The following GRIP1 variants were observed in gnomAD, a reference collection of about 807,000 sequenced individuals.
GRIP1 encodes the protein glutamate receptor interacting protein 1, also known as glutamate receptor-interacting protein 1.
A neutral mutation model predicts 129.9 loss-of-function variants in GRIP1; 45 were observed. That is an observed-to-expected ratio of 0.35 (90% CI 0.27 to 0.44). The LOEUF is 0.44. Among genes scored for constraint, GRIP1 ranks in the 20% least tolerant of loss-of-function variants. The pLI, the probability that GRIP1 is intolerant of heterozygous loss-of-function variation, is 1.00. For synonymous variants in GRIP1, 530 were observed against 520.8 expected (o/e 1.02, Z -0.24); for missense variants, 1,196 against 1,396.8 (o/e 0.86, Z 2.29).
rs563781463 is a variant in GRIP1 at position 66,830,848 on chromosome 12, T to C, written c.59-233921A>G. 5.7e-5 allele frequency among the ~76,000 whole-genome samples: 8 copies of C among 141,500 alleles called. 1 individual carries two copies. The highest frequency in any genetic ancestry group is 1.8e-4 in the African/African-American group (7 of 38,256). 92.8% of individuals were successfully genotyped at this position (141,500 alleles called of 152,430 possible). On this transcript the variant is annotated intron_variant, in intron 1 of 1. Coordinates refer to the GRIP1 transcript ENST00000643019. ...GTATCTGAATTTTTTTTTTTTTTTT[T>C]CTGTTTTGATTTTGTGAGACAGGGT...
At chr12:66,711,480 A>G (rs2035711516) in intron 1 of GRIP1, among the ~76,000 whole-genome samples, 1 of 151,930 alleles carries the variant, frequency 6.6e-6, no homozygotes, top group Non-Finnish European at 1.5e-5. Context: ...GACATCAAGA[A>G]AGTTAAATTT....
intron 9 of GRIP1, among the ~76,000 whole-genome samples, chr12:66,457,835 G>A (rs2059013683): frequency 6.6e-6 from 1 of 152,112 alleles, no homozygotes; most frequent in Non-Finnish European, 1.5e-5. Context: ...CTCTTTGTAT[G>A]ACCTTGGCCA....
intron 1 of GRIP1, among the ~76,000 whole-genome samples, chr12:66,608,933 A>AATT (rs150512388): frequency 0.1 from 15,135 of 145,456 alleles, 895 homozygotes; most frequent in African/African-American, 0.16. Flanking sequence ...ACATGAAACA[A>AATT]ATTATTATTA....
At chr12:66,946,156 C>T (rs2041664889) in intron 1 of GRIP1, among the ~76,000 whole-genome samples, 1 of 152,222 alleles carries the variant, frequency 6.6e-6, no homozygotes, top group African/African-American at 2.4e-5. Context: ...AAAATTCTGA[C>T]ATGGCCATTC....
chr12:66,844,606 A>G (rs545584785), intron 1 of GRIP1, among the ~76,000 whole-genome samples: 50 of 152,330 alleles, frequency 3.3e-4, no homozygotes, highest in African/African-American at 1.1e-3. Flanking sequence ...ACTTCTGGGT[A>G]TATGCTGAAA....
At chr12:66,687,028 T>C (rs1487637346) in intron 1 of GRIP1, among the ~76,000 whole-genome samples, 1 of 152,070 alleles carries the variant, frequency 6.6e-6, no homozygotes, top group Admixed American at 6.6e-5. Flanking sequence ...GCCACTGCAC[T>C]CCAGCCTGGG....
chr12:67,032,986 T>C (rs948421573), intron 1 of GRIP1, among the ~76,000 whole-genome samples: 2 of 152,118 alleles, frequency 1.3e-5, no homozygotes, highest in Non-Finnish European at 2.9e-5. Flanking sequence ...TGAAATTCAA[T>C]GTGCATTTTA....
chr12:66,677,050 G>C (rs532020092), intron 1 of GRIP1, among the ~76,000 whole-genome samples: 1 of 152,280 alleles, frequency 6.6e-6, no homozygotes, highest in East Asian at 1.9e-4. Context: ...TCTGCAAAGA[G>C]ATTTTATTTT....
chr12:66,363,200 CATATATATAT>C lies in GRIP1; in HGVS notation c.3012+8484_3012+8493del, dbSNP rs35452357. Among the ~76,000 whole-genome samples the C allele has an allele frequency of 6.8e-5, 6 of 88,280 alleles. 1 individual carries two copies. The highest frequency in any genetic ancestry group is 2.0e-4 in the African/African-American group (4 of 20,078). The allele number at this position is 88,280 out of a possible 152,430, so 57.9% of individuals were successfully genotyped here. ...ATATGTATATATGTGTGTGTGTGTCCATATATATATATATATATATATATATATAAAGTTT... is the reference window on the plus strand; with the variant it reads ...ATATGTATATATGTGTGTGTGTGTCCATATATATATATATATATAAAGTTT... On this transcript the variant is annotated intron_variant, in intron 23 of 24. Transcript: ENST00000359742.
chr12:66,850,167 A>G (rs1241896309), intron 1 of GRIP1, among the ~76,000 whole-genome samples: 1 of 152,164 alleles, frequency 6.6e-6, no homozygotes, highest in Non-Finnish European at 1.5e-5. Context: ...CAAATCTAAG[A>G]GTCAAAAAAG....
chr12:66,970,393 T>G (rs2137570771), intron 1 of GRIP1, among the ~76,000 whole-genome samples: 1 of 152,320 alleles, frequency 6.6e-6, no homozygotes, highest in South Asian at 2.1e-4. Context: ...ATCTGTGTAA[T>G]TTTCTGTTGA....
At chr12:67,022,380 A>G (rs2042880272) in intron 1 of GRIP1, among the ~76,000 whole-genome samples, 1 of 152,216 alleles carries the variant, frequency 6.6e-6, no homozygotes, top group Non-Finnish European at 1.5e-5. Context: ...ACTCTTACAA[A>G]TAAGGTTGAC....
At chr12:66,526,393 A>G (rs936934274) in intron 5 of GRIP1, among the ~76,000 whole-genome samples, 9 of 152,218 alleles carry the variant, frequency 5.9e-5, no homozygotes, top group African/African-American at 2.2e-4. Context: ...CAACCATCTG[A>G]TCTTTGACAA....
chr12:67,030,863 C>A (rs2135777623), intron 1 of GRIP1, among the ~76,000 whole-genome samples: 1 of 151,930 alleles, frequency 6.6e-6, no homozygotes, highest in African/African-American at 2.4e-5. Flanking sequence ...ATATGGACAG[C>A]AACAAAGTTA....
At position 66,441,121 on chromosome 12, in the gene GRIP1, A is replaced by G. The variant is rs908956769; in HGVS notation, c.1687+3463T>C. 2.2e-4 allele frequency among the ~76,000 whole-genome samples: 34 copies of G among 152,320 alleles called. 1 individual carries two copies. The highest frequency in any genetic ancestry group is 7.7e-4 in the African/African-American group (32 of 41,570). ...GACTTCCGCCCCTACTTTTCAGATCAATTCATACTATGGCAATGTCTTTCT... is the reference window on the plus strand; with the variant it reads ...GACTTCCGCCCCTACTTTTCAGATCGATTCATACTATGGCAATGTCTTTCT... On this transcript the variant is annotated intron_variant, in intron 13 of 24. Coordinates refer to ENST00000359742, the MANE Select transcript of GRIP1 (RefSeq NM_001366722.1).
chr12:66,769,415 T>A (rs1172004622), intron 1 of GRIP1, among the ~76,000 whole-genome samples: 2 of 152,014 alleles, frequency 1.3e-5, no homozygotes, highest in Non-Finnish European at 2.9e-5. Flanking sequence ...ACCTCCTCTT[T>A]CTGCATGCTT....
intron 1 of GRIP1, among the ~76,000 whole-genome samples, chr12:66,947,761 G>A (rs542314603): frequency 7.7e-4 from 117 of 152,278 alleles, no homozygotes; most frequent in African/African-American, 2.6e-3. Context: ...CTTCTCCTGC[G>A]ACAGGCTATT....
At chr12:66,829,675 C>T (rs1042693164) in intron 1 of GRIP1, among the ~76,000 whole-genome samples, 24 of 152,160 alleles carry the variant, frequency 1.6e-4, no homozygotes, top group African/African-American at 5.5e-4. Flanking sequence ...TAGTAGATTC[C>T]CATTTGTGTG....
At chr12:66,704,085 G>T (rs559231937) in intron 1 of GRIP1, among the ~76,000 whole-genome samples, 2 of 152,008 alleles carry the variant, frequency 1.3e-5, no homozygotes, top group South Asian at 2.1e-4. Context: ...ACAATAAAAG[G>T]ATATATTTAT....
Sources: gnomAD v4.1 joint callset for allele counts (sites outside exome capture counted in the v4.1 genomes callset) on GRCh38, gnomAD v4.1.1 for gene constraint, MANE v1.5 for transcripts, NCBI Gene and HGNC (gene_info 2026-07-23, HGNC 2026-07-21) for gene names.